Variants in CNTN3 observed in about 807,000 individuals in gnomAD.
CNTN3 encodes contactin-3.
CNTN3 carries 60 observed loss-of-function variants against 119.1 expected under a neutral mutation model. That is an observed-to-expected ratio of 0.50 (90% CI 0.41 to 0.62). The LOEUF (loss-of-function observed/expected upper bound fraction) is 0.62, where lower values mean the gene tolerates loss of function less well. Ranked by LOEUF, CNTN3 falls within the 20% of genes least tolerant of loss-of-function variation. The pLI is 0.00. For synonymous variants in CNTN3, 450 were observed against 438.7 expected, an observed-to-expected ratio of 1.03 and a Z score of -0.32; for missense variants, 1,101 against 1,242.4, an observed-to-expected ratio of 0.89 and a Z score of 1.71.
chr3:74,609,920 C>T (rs548980819), intron 1 of CNTN3, among the ~76,000 whole-genome samples: 34 of 152,144 alleles, frequency 2.2e-4, no homozygotes, highest in African/African-American at 7.2e-4. Flanking sequence ...AGGAAATGAA[C>T]AGAAAGAGCC....
chr3:74,344,327 A>G (rs1297243469), intron 11 of CNTN3, among the ~76,000 whole-genome samples: 1 of 150,692 alleles, frequency 6.6e-6, no homozygotes, highest in Non-Finnish European at 1.5e-5. Context: ...TTTTATTCCA[A>G]TTCTAAAGTC....
chr3:74,597,639 A>G (rs1401720614), intron 1 of CNTN3, among the ~76,000 whole-genome samples: 4 of 152,042 alleles, frequency 2.6e-5, no homozygotes, highest in Admixed American at 6.6e-5. Flanking sequence ...AGGGATTTGT[A>G]CTTTGCATAT....
At chr3:74,602,471 G>C (rs1052222625) in intron 1 of CNTN3, among the ~76,000 whole-genome samples, 1 of 151,860 alleles carries the variant, frequency 6.6e-6, no homozygotes, top group Non-Finnish European at 1.5e-5. Flanking sequence ...AATTCATGTG[G>C]GTAAATGGTA....
At chr3:74,352,112 G>A (rs748841952) in intron 11 of CNTN3, among the ~76,000 whole-genome samples, 6 of 152,264 alleles carry the variant, frequency 3.9e-5, no homozygotes, top group Non-Finnish European at 7.4e-5. Context: ...CTCAAGCCAG[G>A]CTTTCTTATT....
intron 16 of CNTN3, among the ~76,000 whole-genome samples, 198 bp downstream of exon 16, chr3:74,301,200 A>G (rs1702446070): frequency 6.6e-6 from 1 of 152,198 alleles, no homozygotes; most frequent in Non-Finnish European, 1.5e-5. Flanking sequence ...ACTCTTGGAA[A>G]TGTCATACTA....
rs545890500 is a variant in CNTN3, at chr3:74,262,686, T to C, written c.*1715A>G. ...TTCAATATGAAACAAAGTGCATATC[T>C]CATGGAGATATATTGCTAGAAACAA... On this transcript the variant is annotated 3_prime_UTR_variant, in exon 23 of 23. Transcript: ENST00000263665. 6.5e-6 allele frequency: 1 copy of C among 152,704 alleles called. No individual in the cohort carries two copies. Among genetic ancestry groups the C allele is most frequent in the Admixed American group, 6.5e-5 (1 of 15,296 alleles). 9.5% of individuals were successfully genotyped at this position (152,704 alleles called of 1,614,324 possible).
chr3:74,439,454 C>T (rs529838818), intron 4 of CNTN3, among the ~76,000 whole-genome samples: 196 of 152,222 alleles, frequency 1.3e-3, no homozygotes, highest in African/African-American at 4.4e-3. Flanking sequence ...TTGCAGTGAG[C>T]TGAGATTGAG....
intron 11 of CNTN3, among the ~76,000 whole-genome samples, chr3:74,338,332 G>C (rs561803024): frequency 6.6e-6 from 1 of 150,582 alleles, no homozygotes; most frequent in South Asian, 2.1e-4. Flanking sequence ...TTACTACAAG[G>C]GTTTCTGTAT....
At chr3:74,395,623 A>C (rs1027366714) in intron 5 of CNTN3, among the ~76,000 whole-genome samples, 4 of 152,246 alleles carry the variant, frequency 2.6e-5, no homozygotes, top group Non-Finnish European at 5.9e-5. Flanking sequence ...GAAAAGTGGG[A>C]TAATACTCCT....
In CNTN3 at chr3:74,560,856, G is replaced by A. The variant is rs372642403; in HGVS notation, c.-80-39664C>T. On this transcript the variant is annotated intron_variant, in intron 1 of 22. Coordinates refer to ENST00000263665, the MANE Select transcript of CNTN3 (RefSeq NM_020872.3). ...ATACTATGCAGCCATAAAAAATGAT[G>A]AGTTCATGTCCTTTGTAGGGACATG... is the stretch of plus-strand genomic sequence containing the variant. Among the ~76,000 whole-genome samples, 94 of 152,058 alleles carry A rather than the reference G, an allele frequency of 6.2e-4. 3 individuals carry two copies. The highest frequency in any genetic ancestry group is 6.8e-3 in the Middle Eastern group (2 of 294).
intron 5 of CNTN3, among the ~76,000 whole-genome samples, chr3:74,413,679 G>A (rs1238732373): frequency 6.6e-6 from 1 of 152,142 alleles, no homozygotes; most frequent in East Asian, 1.9e-4. Context: ...CAGACCTGTG[G>A]GAATAGGGAA....
intron 11 of CNTN3, among the ~76,000 whole-genome samples, chr3:74,347,198 C>T (rs1481492867): frequency 6.6e-6 from 1 of 152,076 alleles, no homozygotes; most frequent in African/African-American, 2.4e-5. Context: ...TGAATTCAGC[C>T]AGCTCTACCT....
intron 1 of CNTN3, among the ~76,000 whole-genome samples, chr3:74,581,804 A>G (rs908275797): frequency 2.0e-5 from 3 of 152,170 alleles, no homozygotes; most frequent in East Asian, 1.9e-4. Context: ...AAGAGACCCC[A>G]CTATTAGGTC....
chr3:74,608,703 C>A (rs1462961601), intron 1 of CNTN3, among the ~76,000 whole-genome samples: 1 of 152,174 alleles, frequency 6.6e-6, no homozygotes, highest in Non-Finnish European at 1.5e-5. Context: ...CCCACTATAA[C>A]TATAGCTGCA....
At chr3:74,266,377 G>T (rs1701659896) in intron 22 of CNTN3, 104 bp downstream of exon 22, 5 of 1,205,336 alleles carry the variant, frequency 4.1e-6, no homozygotes, top group South Asian at 3.3e-5. Flanking sequence ...TTGGATGTAA[G>T]CCTTGCTGGA....
intron 3 of CNTN3, 31 bp downstream of exon 3, chr3:74,499,628 T>C (rs1439610508): frequency 6.3e-7 from 1 of 1,578,958 alleles, no homozygotes; most frequent in South Asian, 1.2e-5. Flanking sequence ...TTTAGTTTTT[T>C]TTATTTGAAT....
intron 8 of CNTN3, among the ~76,000 whole-genome samples, chr3:74,368,106 A>G (rs1704242576): frequency 6.6e-6 from 1 of 152,260 alleles, no homozygotes; most frequent in Non-Finnish European, 1.5e-5. Context: ...GTTACAAAAC[A>G]GAATGACTCA....
chr3:74,496,870 C>T (rs1703074605), intron 3 of CNTN3, among the ~76,000 whole-genome samples: 1 of 151,972 alleles, frequency 6.6e-6, no homozygotes, highest in African/African-American at 2.4e-5. Context: ...TTTTGGATTT[C>T]CAACATGGCC....
At chr3:74,306,195 G>T in intron 13 of CNTN3, among the ~76,000 whole-genome samples, 1 of 127,554 alleles carries the variant, frequency 7.8e-6, no homozygotes, top group Non-Finnish European at 1.6e-5. Context: ...TGTGATAAAG[G>T]ATGTGAGAGA....
Sources: gnomAD v4.1 joint callset for allele counts (sites outside exome capture counted in the v4.1 genomes callset) on GRCh38, gnomAD v4.1.1 for gene constraint, MANE v1.5 for transcripts, NCBI Gene and HGNC (gene_info 2026-07-23, HGNC 2026-07-21) for gene names.